The following PDE4C variants were observed in gnomAD, a reference collection of about 807,000 sequenced individuals.
The protein encoded by PDE4C is 3',5'-cyclic-AMP phosphodiesterase 4C.
PDE4C carries 50 observed loss-of-function variants against 63.9 expected under a neutral mutation model. The observed-to-expected ratio is 0.78, with a 90% CI of 0.62 to 0.99. The LOEUF (loss-of-function observed/expected upper bound fraction) is 0.99. PDE4C is among the 50% of genes least tolerant of loss of function. The pLI is 0.00. For missense variants in PDE4C, 777 were observed against 899.1 expected, an observed-to-expected ratio of 0.86 and a Z score of 1.74; for synonymous variants, 377 against 385.1, an observed-to-expected ratio of 0.98 and a Z score of 0.25.
In PDE4C at chr19:18,211,203, TC is replaced by T; in HGVS notation, c.1768del (p.Asp590ThrfsTer39). ...ATTGTCCTCCAGCGTGTCCAGCAGG[TC>T]CTGTGCATCTGGGTGGACCAGGTCA... On this transcript the variant is annotated frameshift_variant, in exon 15 of 15. Transcript: ENST00000262805. LOFTEE classifies it low-confidence loss of function (END_TRUNC). 6.2e-7 allele frequency: 1 copy of T among 1,613,750 alleles called. No individual in the cohort carries two copies. The highest frequency in any genetic ancestry group is 8.5e-7 in the Non-Finnish European group (1 of 1,179,806).
chr19:18,238,445 C>T (rs1968989277), upstream of PDE4C, among the ~76,000 whole-genome samples: 1 of 151,366 alleles, frequency 6.6e-6, no homozygotes, highest in South Asian at 2.1e-4. Flanking sequence ...ACCACGTTGG[C>T]CAGGCTGGTC....
chr19:18,241,340 C>T (rs1280089883), intron 1 of PDE4C, among the ~76,000 whole-genome samples: 1 of 140,796 alleles, frequency 7.1e-6, no homozygotes, highest in Non-Finnish European at 1.5e-5. Flanking sequence ...GATCTCGGCT[C>T]ACTGCAAGCT....
upstream of PDE4C, among the ~76,000 whole-genome samples, chr19:18,236,160 G>A (rs934888584): frequency 2.0e-5 from 3 of 151,850 alleles, no homozygotes; most frequent in African/African-American, 7.3e-5. Context: ...AGCCAGGATG[G>A]TCTCGATCTC....
chr19:18,218,317 C>A lies in PDE4C; in HGVS notation c.1134+17G>T. 1 of 1,613,710 alleles carries A rather than the reference C, an allele frequency of 6.2e-7. No homozygotes were observed. Among genetic ancestry groups the A allele is most frequent in the East Asian group, 2.2e-5 (1 of 44,862 alleles). ...GGCCCTGCACCCGCCCACCTGCCTG[C>A]AGTCATGGCGCAGTACCTCGAGGGC... On this transcript the variant is annotated intron_variant, in intron 10 of 14. Coordinates refer to ENST00000262805, the Ensembl canonical transcript of PDE4C.
At chr19:18,243,983 T>C (rs1969087492) in intron 1 of PDE4C, among the ~76,000 whole-genome samples, 1 of 151,064 alleles carries the variant, frequency 6.6e-6, no homozygotes, top group Admixed American at 6.6e-5. Flanking sequence ...GCCTCCTGAG[T>C]AGCTGGGATT....
At chr19:18,254,950 G>T in the PDE4C span, among the ~76,000 whole-genome samples, 1 of 152,260 alleles carries the variant, frequency 6.6e-6, no homozygotes, top group African/African-American at 2.4e-5. Flanking sequence ...GAGCCCAAAA[G>T]TAGGTGTGAG....
intron 1 of PDE4C, among the ~76,000 whole-genome samples, chr19:18,244,151 A>G (rs1408416396): frequency 2.0e-5 from 3 of 152,040 alleles, no homozygotes; most frequent in Admixed American, 2.0e-4. Flanking sequence ...GATTACAGGC[A>G]TGAACTGCTG....
At chr19:18,211,363 G>A in intron 14 of PDE4C, 87 bp from the exon 15 acceptor site, 6 of 1,154,108 alleles carry the variant, frequency 5.2e-6, no homozygotes, top group Non-Finnish European at 7.3e-6. Context: ...TAGCCAAGTT[G>A]TTCCCTCTGC....
intron 1 of PDE4C, among the ~76,000 whole-genome samples, chr19:18,232,277 C>T (rs1231884526): frequency 1.3e-5 from 2 of 151,894 alleles, no homozygotes; most frequent in Non-Finnish European, 2.9e-5. Context: ...GTGGGAGGAT[C>T]GCTTGAGCCT....
At chr19:18,211,894 C>T in exon 14 of PDE4C, 1 of 1,614,236 alleles carries the variant, frequency 6.2e-7, no homozygotes, top group Non-Finnish European at 8.5e-7. Flanking sequence ...GGGGCAGCGG[C>T]TTGGTGGGGT....
intron 1 of PDE4C, among the ~76,000 whole-genome samples, chr19:18,246,171 A>G (rs1276452583): frequency 1.4e-5 from 2 of 140,088 alleles, no homozygotes; most frequent in African/African-American, 2.7e-5. Flanking sequence ...GCCCGCCACC[A>G]CACCAGGCTA....
chr19:18,226,605 C>CAT, upstream of PDE4C: 1 of 203,718 alleles, frequency 4.9e-6, no homozygotes, highest in African/African-American at 3.1e-5. Context: ...CTCTCTGCTC[C>CAT]TTTTTTTTTT....
intron 14 of PDE4C, 43 bp downstream of exon 14, chr19:18,211,716 C>T (rs773835028): frequency 1.3e-5 from 21 of 1,606,054 alleles, no homozygotes; most frequent in Admixed American, 1.7e-5. Flanking sequence ...CCTCCTTTTA[C>T]TTCCTCCCAG....
rs765738677 is a variant in PDE4C, at chr19:18,216,734, G to T, written c.1389+7C>A. Reference sequence around the variant, plus strand: ...CCCTCCCGCCCCGCTTACTGCCCTGGCCTCACCATGTCAATGACCATCCTG... The same window carrying T: ...CCCTCCCGCCCCGCTTACTGCCCTGTCCTCACCATGTCAATGACCATCCTG... On this transcript the variant is annotated splice_region_variant and intron_variant, in intron 12 of 14. Transcript: ENST00000262805. 3 of 1,600,602 alleles carry T rather than the reference G, an allele frequency of 1.9e-6. No individual in the cohort carries two copies. The South Asian group carries it at 3.3e-5, about 18-fold the overall frequency.
intron 12 of PDE4C, among the ~76,000 whole-genome samples, chr19:18,214,671 G>A (rs529684188): frequency 9.2e-5 from 14 of 152,024 alleles, no homozygotes; most frequent in African/African-American, 2.7e-4. Context: ...TAACCCAGCC[G>A]GGCGCCGTGG....
upstream of PDE4C, among the ~76,000 whole-genome samples, chr19:18,228,862 C>A (rs1968793704): frequency 6.6e-6 from 1 of 152,220 alleles, no homozygotes. Context: ...TCCATCCCTG[C>A]ATTACTGCAT....
At chr19:18,251,123 A>G (rs570469199), upstream of PDE4C, among the ~76,000 whole-genome samples, 12 of 138,996 alleles carry the variant, frequency 8.6e-5, no homozygotes, top group South Asian at 3.1e-3. Context: ...TTTTTGAGAT[A>G]GAGTCTTTTT....
At chr19:18,251,438 T>C (rs1969227803), upstream of PDE4C, among the ~76,000 whole-genome samples, 1 of 151,160 alleles carries the variant, frequency 6.6e-6, no homozygotes, top group East Asian at 2.0e-4. Flanking sequence ...TTTTATTTTA[T>C]TTATTTATTT....
intron 12 of PDE4C, among the ~76,000 whole-genome samples, chr19:18,213,755 G>A (rs571832746): frequency 2.8e-4 from 43 of 152,120 alleles, no homozygotes; most frequent in Non-Finnish European, 4.9e-4. Context: ...TCAAATCTGT[G>A]CGCCTGGGAC....
Sources: allele counts gnomAD v4.1 joint callset (sites outside exome capture counted in the v4.1 genomes callset), GRCh38; gene constraint gnomAD v4.1.1; transcripts MANE v1.5; gene names NCBI Gene and HGNC (gene_info 2026-07-23, HGNC 2026-07-21).